WNT7A: variants seen among roughly 807,000 people sequenced by gnomAD.
WNT7A encodes the protein Wnt family member 7A, also known as protein Wnt-7a.
In WNT7A, 16 loss-of-function variants were observed where a neutral mutation model predicts 28.2. The ratio of observed to expected loss-of-function variants is 0.57; its 90% CI spans 0.38 to 0.86. The LOEUF (loss-of-function observed/expected upper bound fraction) is 0.86, where lower values mean the gene tolerates loss of function less well. Among genes scored for constraint, WNT7A ranks in the 40% least tolerant of loss-of-function variants. The pLI is 0.00. For missense variants in WNT7A, 411 were observed against 489.7 expected (o/e 0.84, Z 1.52); for synonymous variants, 190 against 195.9 (o/e 0.97, Z 0.25).
chr3:13,831,659 G>T (rs1379368845), intron 3 of WNT7A, among the ~76,000 whole-genome samples: 1 of 152,152 alleles, frequency 6.6e-6, no homozygotes, highest in Non-Finnish European at 1.5e-5. Context: ...CCTGATGGGA[G>T]CTGTCTCACC....
chr3:13,864,036 C>T (rs866327681), intron 2 of WNT7A: 1 of 152,110 alleles, frequency 6.6e-6, no homozygotes, highest in African/African-American at 2.4e-5. Context: ...GGGGTTGACT[C>T]CTAGGTCATT....
rs940831340 is a variant in WNT7A at position 13,816,900 on chromosome 3, A to C, written c.*2044T>G. 3.9e-5 allele frequency: 6 copies of C among 152,252 alleles called. No individual in the cohort carries two copies. The highest frequency in any genetic ancestry group is 1.5e-4 in the African/African-American group (6 of 41,360). The allele number at this position is 152,252 out of a possible 1,614,324, so 9.4% of individuals were successfully genotyped here. A position where few individuals can be genotyped will look rare whatever the true frequency, so the allele number is the denominator to read the frequency against. ...ATCCATCCCTCCATCCATTCACTCC[A>C]TGGCCCCTTCACATGCCCACTCCTC... On this transcript the variant is annotated 3_prime_UTR_variant, in exon 4 of 4. Transcript: ENST00000285018.
intron 3 of WNT7A, among the ~76,000 whole-genome samples, chr3:13,837,737 G>A (rs780617461): frequency 5.9e-5 from 9 of 152,112 alleles, no homozygotes; most frequent in Non-Finnish European, 8.8e-5. Flanking sequence ...CCCAGGAGCC[G>A]GGTCACACCT....
At chr3:13,842,756 G>C (rs1168466886) in intron 3 of WNT7A, among the ~76,000 whole-genome samples, 1 of 152,220 alleles carries the variant, frequency 6.6e-6, no homozygotes, top group Non-Finnish European at 1.5e-5. Flanking sequence ...AAGATCAGGA[G>C]TTAGGTTGTG....
chr3:13,855,145 A>G (rs1694708506), intron 2 of WNT7A, among the ~76,000 whole-genome samples: 1 of 152,196 alleles, frequency 6.6e-6, no homozygotes, highest in Admixed American at 6.5e-5. Context: ...TGACGTAACC[A>G]TGTAAACTGC....
chr3:13,872,789 G>A (rs889221576), intron 2 of WNT7A, among the ~76,000 whole-genome samples: 1 of 152,148 alleles, frequency 6.6e-6, no homozygotes, highest in African/African-American at 2.4e-5. Flanking sequence ...CTCCACCCCA[G>A]ACCTCTGTGG....
intron 3 of WNT7A, among the ~76,000 whole-genome samples, chr3:13,822,395 G>A (rs1001454168): frequency 6.6e-6 from 1 of 152,244 alleles, no homozygotes; most frequent in African/African-American, 2.4e-5. Context: ...AAAAAGGAAT[G>A]AAGTACTGAT....
intron 2 of WNT7A, among the ~76,000 whole-genome samples, chr3:13,857,527 T>C (rs1400910312): frequency 6.6e-6 from 1 of 152,010 alleles, no homozygotes; most frequent in African/African-American, 2.4e-5. Context: ...CTCCTGGAAA[T>C]TGATCGCCAC....
At chr3:13,841,304 G>T (rs1182005891) in intron 3 of WNT7A, among the ~76,000 whole-genome samples, 2 of 152,138 alleles carry the variant, frequency 1.3e-5, no homozygotes, top group East Asian at 1.9e-4. Context: ...CTAAAACGTC[G>T]CACCTAAGGC....
chr3:13,835,979 A>AT (rs1694361157), intron 3 of WNT7A, among the ~76,000 whole-genome samples: 1 of 152,178 alleles, frequency 6.6e-6, no homozygotes, highest in Non-Finnish European at 1.5e-5. Context: ...CAGGAAATCC[A>AT]TAGAGACAGA....
intron 3 of WNT7A, among the ~76,000 whole-genome samples, chr3:13,830,125 C>G (rs548700087): frequency 6.6e-6 from 1 of 152,258 alleles, no homozygotes; most frequent in East Asian, 1.9e-4. Context: ...GTACTGCTAT[C>G]TCCCATGCTC....
intron 2 of WNT7A, among the ~76,000 whole-genome samples, chr3:13,869,231 G>GAAAGAA (rs1282087627): frequency 7.3e-6 from 1 of 137,066 alleles, no homozygotes; most frequent in African/African-American, 2.8e-5. Flanking sequence ...AAGAGAGAGA[G>GAAAGAA]AGAGAGAGAG....
At chr3:13,839,179 G>A (rs550423683) in intron 3 of WNT7A, among the ~76,000 whole-genome samples, 62 of 152,280 alleles carry the variant, frequency 4.1e-4, no homozygotes, top group African/African-American at 1.4e-3. Context: ...GCTGCTCAAG[G>A]TGTGGTTCCT....
At chr3:13,845,302 AAG>A (rs1327268079) in intron 3 of WNT7A, among the ~76,000 whole-genome samples, 7 of 152,280 alleles carry the variant, frequency 4.6e-5, no homozygotes, top group African/African-American at 1.4e-4. Context: ...CCGCCACTCT[AAG>A]AGAGTGATGT....
chr3:13,856,880 G>GGAAGAAGAAGAAAAATAAGAAGAAGAA (rs1694740310), intron 2 of WNT7A, among the ~76,000 whole-genome samples: 2 of 91,672 alleles, frequency 2.2e-5, no homozygotes, highest in African/African-American at 9.5e-5. Flanking sequence ...AGGAAGAAGA[G>GGAAGAAGAAGAAAAATAAGAAGAAGAA]GAAGAAGAAG....
intron 2 of WNT7A, chr3:13,863,907 G>A (rs1694871813): frequency 6.6e-6 from 1 of 152,162 alleles, no homozygotes; most frequent in African/African-American, 2.4e-5. Flanking sequence ...GTCACCTTGG[G>A]GAGAGGAGAG....
At chr3:13,860,202 G>A (rs12498049) in intron 2 of WNT7A, among the ~76,000 whole-genome samples, 12,655 of 149,652 alleles carry the variant, frequency 0.085, 573 homozygotes, top group Non-Finnish European at 0.094. Context: ...TGGTTTTACA[G>A]TTGAGGAAAT....
Position 13,818,792 on chromosome 3 carries a change from T to TC in WNT7A, c.*151dup. 8.3e-7 allele frequency: 1 copy of TC among 1,199,972 alleles called. No individual in the cohort carries two copies. Among genetic ancestry groups the TC allele is most frequent in the South Asian group, 1.7e-5 (1 of 59,974 alleles). The allele number at this position is 1,199,972 out of a possible 1,614,324, so 74.3% of individuals were successfully genotyped here. A position where few individuals can be genotyped will look rare whatever the true frequency, so the allele number is the denominator to read the frequency against. On this transcript the variant is annotated 3_prime_UTR_variant, in exon 4 of 4. Coordinates refer to ENST00000285018, the MANE Select transcript of WNT7A (RefSeq NM_004625.4). ...GTTGAGGGCTCTGAGAGATTTTTTT[T>TC]CCCCCACGGATGCCTGCAGGAAACC...
rs1346927534 is a variant in WNT7A at position 13,878,151 on chromosome 3, C to A, written c.71+1595G>T. Among the ~76,000 whole-genome samples, 8 of 152,286 alleles carry A rather than the reference C, an allele frequency of 5.3e-5. 1 individual carries two copies. In the South Asian group the frequency reaches 1.4e-3, roughly 28 times the overall value. ...CTCCCTCCCTGCCGGGCAGCTGGGCCCCCGCAGGGCCAATCCGGGGAGGCC... is the reference window on the plus strand; with the variant it reads ...CTCCCTCCCTGCCGGGCAGCTGGGCACCCGCAGGGCCAATCCGGGGAGGCC... On this transcript the variant is annotated intron_variant, in intron 1 of 3. Transcript: ENST00000285018.
Sources: gnomAD v4.1 joint callset for allele counts (sites outside exome capture counted in the v4.1 genomes callset) on GRCh38, gnomAD v4.1.1 for gene constraint, MANE v1.5 for transcripts, NCBI Gene and HGNC (gene_info 2026-07-23, HGNC 2026-07-21) for gene names.